ENOX1: variants seen among roughly 807,000 people sequenced by gnomAD.
ENOX1 encodes ecto-NOX disulfide-thiol exchanger 1, also known as candidate growth-related and time keeping constitutive hydroquinone (NADH) oxidase.
Under a neutral mutation model 82.5 loss-of-function variants are expected in ENOX1, and 42 were observed. The observed-to-expected ratio is 0.51, with a 90% CI of 0.40 to 0.66. The LOEUF (loss-of-function observed/expected upper bound fraction) is 0.66. Among genes scored for constraint, ENOX1 ranks in the 30% least tolerant of loss-of-function variants. The pLI, the probability that ENOX1 is intolerant of heterozygous loss-of-function variation, is 0.00. For missense variants in ENOX1, 608 were observed against 811.6 expected (o/e 0.75, Z 3.05); for synonymous variants, 271 against 282.2 (o/e 0.96, Z 0.40).
intron 2 of ENOX1, among the ~76,000 whole-genome samples, chr13:43,566,725 G>A (rs1363291303): frequency 2.0e-5 from 3 of 151,828 alleles, no homozygotes; most frequent in Non-Finnish European, 4.4e-5. Context: ...ATGAATGATT[G>A]TAAGATATTG....
rs560104166 is a variant in ENOX1 at position 43,690,028 on chromosome 13, C to T, written c.-284-22484G>A. 3.3e-5 allele frequency among the ~76,000 whole-genome samples: 5 copies of T among 152,220 alleles called. No homozygotes were observed. The East Asian group carries it at 9.7e-4, about 29-fold the overall frequency. On this transcript the variant is annotated intron_variant, in intron 1 of 16. Transcript: ENST00000690772. Reference sequence around the variant, plus strand: ...CCTGAATGAAAAATCCAGGCCAGAACATCCATCCCCTGTTCCTTGGCTCTT... The same window carrying T: ...CCTGAATGAAAAATCCAGGCCAGAATATCCATCCCCTGTTCCTTGGCTCTT...
chr13:43,281,426 A>C (rs2045375702), intron 12 of ENOX1, among the ~76,000 whole-genome samples: 1 of 152,140 alleles, frequency 6.6e-6, no homozygotes, highest in Non-Finnish European at 1.5e-5. Flanking sequence ...GCCGAGTTAG[A>C]CCTTTTGCAA....
chr13:43,567,283 G>A (rs1292903673), intron 2 of ENOX1, among the ~76,000 whole-genome samples: 3 of 152,068 alleles, frequency 2.0e-5, no homozygotes, highest in Non-Finnish European at 4.4e-5. Flanking sequence ...CAAAATACAT[G>A]TGTTAGTGCA....
At chr13:43,619,704 G>A (rs2082640510) in intron 2 of ENOX1, among the ~76,000 whole-genome samples, 1 of 152,064 alleles carries the variant, frequency 6.6e-6, no homozygotes, top group Non-Finnish European at 1.5e-5. Context: ...ATATCGGTCT[G>A]TAGTTTTCTT....
chr13:43,472,517 C>T (rs1038486698), intron 3 of ENOX1, among the ~76,000 whole-genome samples: 1 of 152,082 alleles, frequency 6.6e-6, no homozygotes, highest in Non-Finnish European at 1.5e-5. Flanking sequence ...ACACACGGCA[C>T]GGTGCATGTG....
chr13:43,227,142 A>G (rs1169679425), intron 15 of ENOX1, among the ~76,000 whole-genome samples: 1 of 152,010 alleles, frequency 6.6e-6, no homozygotes, highest in African/African-American at 2.4e-5. Flanking sequence ...GGGTTGGGGG[A>G]GAGGTTGATA....
At chr13:43,435,686 T>G (rs566934713) in intron 3 of ENOX1, among the ~76,000 whole-genome samples, 4 of 152,194 alleles carry the variant, frequency 2.6e-5, no homozygotes, top group Non-Finnish European at 5.9e-5. Flanking sequence ...CCACTTATGC[T>G]TTTTTAAATA....
intron 12 of ENOX1, among the ~76,000 whole-genome samples, chr13:43,271,312 A>G (rs1339027385): frequency 6.6e-6 from 1 of 152,180 alleles, no homozygotes; most frequent in Non-Finnish European, 1.5e-5. Flanking sequence ...AAGTTGCACA[A>G]ATGTCTTCTA....
rs1468468371 is a variant in ENOX1 at position 43,637,193 on chromosome 13, G to T, written c.-219+30286C>A. On this transcript the variant is annotated intron_variant, in intron 2 of 16. Coordinates refer to ENST00000690772, the MANE Select transcript of ENOX1 (RefSeq NM_001347969.2). The stretch of plus-strand genomic sequence containing the variant: ...AAAAGCCCAGCGTGTTCAGCCCAGA[G>T]CTCCCTACTTTTTATGGAATTCCAA... Among the ~76,000 whole-genome samples the T allele has an allele frequency of 2.6e-5, 4 of 152,146 alleles. No homozygotes were observed. The East Asian group carries it at 7.7e-4, about 29-fold the overall frequency.
chr13:43,586,197 C>T (rs1046777233), intron 2 of ENOX1, among the ~76,000 whole-genome samples: 1 of 152,192 alleles, frequency 6.6e-6, no homozygotes, highest in African/African-American at 2.4e-5. Flanking sequence ...GCAGGCCATT[C>T]ACCAAACTGC....
chr13:43,219,609 C>A (rs2041678219), intron 16 of ENOX1, among the ~76,000 whole-genome samples: 1 of 152,184 alleles, frequency 6.6e-6, no homozygotes, highest in Admixed American at 6.5e-5. Flanking sequence ...AAGCAAACAT[C>A]AGAAGGAAAC....
At chr13:43,479,646 T>C (rs951540120) in intron 3 of ENOX1, among the ~76,000 whole-genome samples, 1 of 152,234 alleles carries the variant, frequency 6.6e-6, no homozygotes, top group Non-Finnish European at 1.5e-5. Context: ...AGTGTATTTC[T>C]AGGCAGCTAA....
At chr13:43,606,752 A>G (rs1232513287) in intron 2 of ENOX1, among the ~76,000 whole-genome samples, 1 of 152,156 alleles carries the variant, frequency 6.6e-6, no homozygotes, top group African/African-American at 2.4e-5. Context: ...ATGGTGGCTC[A>G]GGCCTGTAGT....
rs573666018 is a variant in ENOX1 at position 43,578,936 on chromosome 13, T to C, written c.-219+88543A>G. ...TAGAAGTCTTACTAGATTTAATAGG[T>C]ATTATAGAGTTAATTAAGCAAGTGG... On this transcript the variant is annotated intron_variant, in intron 2 of 16. Transcript: ENST00000690772. 2.0e-5 allele frequency among the ~76,000 whole-genome samples: 3 copies of C among 152,294 alleles called. No homozygotes were observed. In the South Asian group the frequency reaches 6.2e-4, roughly 32 times the overall value.
At chr13:43,628,147 A>G (rs1455290813) in intron 2 of ENOX1, among the ~76,000 whole-genome samples, 1 of 152,114 alleles carries the variant, frequency 6.6e-6, no homozygotes, top group Non-Finnish European at 1.5e-5. Flanking sequence ...TCTTTTCCAA[A>G]TTTGAGAAAT....
chr13:43,310,523 A>G (rs9533454), intron 11 of ENOX1, among the ~76,000 whole-genome samples: 54,343 of 152,096 alleles, frequency 0.36, 9,843 homozygotes, highest in South Asian at 0.52. Flanking sequence ...TTTATTGAAC[A>G]TGAGAGGGAA....
At chr13:43,260,151 A>T (rs2043974516) in intron 14 of ENOX1, among the ~76,000 whole-genome samples, 1 of 152,200 alleles carries the variant, frequency 6.6e-6, no homozygotes, top group African/African-American at 2.4e-5. Flanking sequence ...GCTGTACTAA[A>T]CTTGAAGAAT....
At chr13:43,249,884 C>T (rs1035234812) in intron 14 of ENOX1, among the ~76,000 whole-genome samples, 1 of 152,194 alleles carries the variant, frequency 6.6e-6, no homozygotes, top group African/African-American at 2.4e-5. Context: ...TCACCGCTGC[C>T]TTGCATATGC....
intron 8 of ENOX1, among the ~76,000 whole-genome samples, chr13:43,354,898 T>C (rs1301738321): frequency 1.3e-5 from 2 of 152,232 alleles, no homozygotes; most frequent in Non-Finnish European, 2.9e-5. Flanking sequence ...AATTTCAAAT[T>C]ATGCCTCCTC....
Sources: allele counts gnomAD v4.1 joint callset (sites outside exome capture counted in the v4.1 genomes callset), GRCh38; gene constraint gnomAD v4.1.1; transcripts MANE v1.5; gene names NCBI Gene and HGNC (gene_info 2026-07-23, HGNC 2026-07-21).